PTCD3: variants seen among roughly 807,000 people sequenced by gnomAD.
The protein encoded by PTCD3 is small ribosomal subunit protein mS39.
PTCD3 carries 89 observed loss-of-function variants against 101.9 expected under a neutral mutation model. The observed-to-expected ratio is 0.87, with a 90% CI of 0.74 to 1.04. The LOEUF is 1.04. Among genes scored for constraint, PTCD3 ranks in the 50% least tolerant of loss-of-function variants. The pLI, the probability that PTCD3 is intolerant of heterozygous loss-of-function variation, is 0.00. For synonymous variants in PTCD3, 296 were observed against 278.5 expected (o/e 1.06, Z -0.63); for missense variants, 870 against 828.2 (o/e 1.05, Z -0.62).
At chr2:86,107,915 T>TA (rs1171826583) in intron 1 of PTCD3, among the ~76,000 whole-genome samples, 1 of 152,156 alleles carries the variant, frequency 6.6e-6, no homozygotes, top group African/African-American at 2.4e-5. Context: ...CAAGTGCTAT[T>TA]AAAAACTTTC....
At chr2:86,122,428 C>A (rs1417508243) in intron 8 of PTCD3, among the ~76,000 whole-genome samples, 1 of 152,184 alleles carries the variant, frequency 6.6e-6, no homozygotes, top group Non-Finnish European at 1.5e-5. Context: ...GTTTCCCCCT[C>A]AGAGACAGGG....
At chr2:86,119,425 C>T (rs892327992) in intron 7 of PTCD3, 14 of 178,834 alleles carry the variant, frequency 7.8e-5, no homozygotes, top group African/African-American at 3.1e-4. Context: ...GGCGCAATCT[C>T]GGCTGACTGC....
chr2:86,128,905 A>G (rs1383035543), intron 14 of PTCD3, among the ~76,000 whole-genome samples: 19 of 152,218 alleles, frequency 1.2e-4, no homozygotes, highest in Admixed American at 1.2e-3. Flanking sequence ...GGCACTCAAA[A>G]TCTTTTGGTT....
At chr2:86,124,764 A>G (rs891563649) in intron 9 of PTCD3, among the ~76,000 whole-genome samples, 5 of 152,202 alleles carry the variant, frequency 3.3e-5, no homozygotes, top group Admixed American at 2.0e-4. Context: ...TTCATTTTCA[A>G]TTGTAATTCT....
At chr2:86,134,056 G>A (rs1674537290) in intron 19 of PTCD3, among the ~76,000 whole-genome samples, 1 of 152,186 alleles carries the variant, frequency 6.6e-6, no homozygotes, top group Non-Finnish European at 1.5e-5. Context: ...CGTGGAGCTG[G>A]TGGCTGCTCC....
chr2:86,124,849 A>G (rs1027578772), intron 9 of PTCD3, 146 bp from the exon 10 acceptor site: 5 of 1,149,606 alleles, frequency 4.3e-6, no homozygotes, highest in Non-Finnish European at 5.7e-6. Flanking sequence ...CAAAATGATA[A>G]TAACCATAAT....
intron 7 of PTCD3, 143 bp downstream of exon 7, chr2:86,119,187 A>T (rs976730588): frequency 9.7e-7 from 1 of 1,033,692 alleles, no homozygotes. Flanking sequence ...TATTTTTAGT[A>T]GTTTATTTCA....
At chr2:86,129,634 C>T (rs1468743666) in intron 14 of PTCD3, among the ~76,000 whole-genome samples, 1 of 151,864 alleles carries the variant, frequency 6.6e-6, no homozygotes, top group East Asian at 1.9e-4. Flanking sequence ...AGAGCAAGAC[C>T]CTGTCTCAAT....
rs1674237340 is a variant in PTCD3, at chr2:86,119,238, GA to G, written c.538+196del. 3 of 676,150 alleles carry G rather than the reference GA, an allele frequency of 4.4e-6. No individual in the cohort carries two copies. The African/African-American group carries it at 5.6e-5, about 13-fold the overall frequency. 41.9% of individuals were successfully genotyped at this position (676,150 alleles called of 1,614,324 possible). On this transcript the variant is annotated intron_variant, in intron 7 of 23. Coordinates refer to ENST00000254630, the MANE Select transcript of PTCD3 (RefSeq NM_017952.6). ...TTACTTAAGAATTACAGGCGAAGTA[GA>G]ATTGCAGCTTTGTTGGTTTATTGTA...
chr2:86,130,506 A>G (rs1230997823), intron 14 of PTCD3, 142 bp from the exon 15 acceptor site: 2 of 1,294,480 alleles, frequency 1.5e-6, no homozygotes, highest in Middle Eastern at 1.9e-4. Context: ...TTCCTTTAGC[A>G]AGCATTGGCC....
chr2:86,136,472 T>G (rs1674586280), intron 21 of PTCD3, 49 bp from the exon 22 acceptor site: 1 of 1,528,834 alleles, frequency 6.5e-7, no homozygotes, highest in Non-Finnish European at 9.1e-7. Context: ...AGTGTCTGAT[T>G]GCCTTGTTTT....
rs2104464852 is a variant in PTCD3 at position 86,137,994 on chromosome 2, A to T, written c.*435A>T. ...TTAGGTGTTCATGCAGTTCTAACAC[A>T]GTTGGGGTTGGGTCAATAGTTTCCC... On this transcript the variant is annotated 3_prime_UTR_variant, in exon 24 of 24. Transcript: ENST00000254630. 1 of 171,272 alleles carries T rather than the reference A, an allele frequency of 5.8e-6. No individual in the cohort carries two copies. Among genetic ancestry groups the T allele is most frequent in the Non-Finnish European group, 1.3e-5 (1 of 78,470 alleles). The allele number at this position is 171,272 out of a possible 1,614,324, so 10.6% of individuals were successfully genotyped here.
In PTCD3 at chr2:86,108,533, C is replaced by T. The variant is rs1315718253; in HGVS notation, c.191C>T (p.Thr64Ile). 3 of 1,594,950 alleles carry T rather than the reference C, an allele frequency of 1.9e-6. No individual in the cohort carries two copies. Among genetic ancestry groups the T allele is most frequent in the Non-Finnish European group, 1.7e-6 (2 of 1,174,438 alleles). The change falls in exon 3 of 24, where the codon ACT (threonine) becomes ATT (isoleucine). Residue 64 changes from threonine to isoleucine, a missense_variant. Coordinates refer to ENST00000254630, the MANE Select transcript of PTCD3 (RefSeq NM_017952.6). ...IEEVVIPKKK[T>I]WDKVAVLQAL... The stretch of plus-strand genomic sequence containing the variant: ...GAAGTAGTAATTCCAAAAAAGAAAA[C>T]TTGGTAAGTATTCTATCAGTGTTCA...
intron 7 of PTCD3, among the ~76,000 whole-genome samples, chr2:86,120,326 G>T (rs557766031): frequency 6.6e-6 from 1 of 152,256 alleles, no homozygotes; most frequent in African/African-American, 2.4e-5. Context: ...ACCAGGGAAA[G>T]GATCCTAGAA....
At chr2:86,135,204 ATCTT>A in intron 21 of PTCD3, 1 of 436,144 alleles carries the variant, frequency 2.3e-6, no homozygotes, top group Non-Finnish European at 4.0e-6. Context: ...GCTGAGAATT[ATCTT>A]TCTACTTTCT....
intron 22 of PTCD3, 46 bp from the exon 23 acceptor site, chr2:86,136,936 T>C: frequency 1.2e-6 from 2 of 1,608,040 alleles, no homozygotes; most frequent in Non-Finnish European, 1.7e-6. Context: ...ATAAATGTTT[T>C]ACTGAAGGGG....
At chr2:86,116,155 G>A (rs116602798) in intron 4 of PTCD3, among the ~76,000 whole-genome samples, 259 of 152,200 alleles carry the variant, frequency 1.7e-3, no homozygotes, top group African/African-American at 5.4e-3. Context: ...GCCCACACAC[G>A]TTTGCGCATT....
At chr2:86,131,672 A>G (rs1340729437) in intron 16 of PTCD3, among the ~76,000 whole-genome samples, 1 of 152,222 alleles carries the variant, frequency 6.6e-6, no homozygotes, top group Non-Finnish European at 1.5e-5. Context: ...AGTTTATGTA[A>G]TCATGCTTAT....
intron 7 of PTCD3, 61 bp downstream of exon 7, chr2:86,119,105 A>G (rs372021385): frequency 6.3e-7 from 1 of 1,575,678 alleles, no homozygotes; most frequent in Non-Finnish European, 8.6e-7. Context: ...CCCAAGTTAT[A>G]TGATTCATAT....
Sources: gnomAD v4.1 joint callset for allele counts (sites outside exome capture counted in the v4.1 genomes callset) on GRCh38, gnomAD v4.1.1 for gene constraint, MANE v1.5 for transcripts, NCBI Gene and HGNC (gene_info 2026-07-23, HGNC 2026-07-21) for gene names.